TMPRSS11A: variants seen among roughly 807,000 people sequenced by gnomAD.
TMPRSS11A encodes the protein transmembrane protease serine 11A.
TMPRSS11A carries 53 observed loss-of-function variants against 58.9 expected under a neutral mutation model. The ratio of observed to expected loss-of-function variants is 0.90; its 90% CI spans 0.72 to 1.13. The LOEUF (loss-of-function observed/expected upper bound fraction) is 1.13. TMPRSS11A is among the 50% of genes most tolerant of loss of function. TMPRSS11A has a pLI of 0.00. For missense variants in TMPRSS11A, 493 were observed against 499.3 expected (o/e 0.99, Z 0.12); for synonymous variants, 167 against 169.8 (o/e 0.98, Z 0.13).
At chr4:67,956,651 A>G (rs1721297824) in intron 1 of TMPRSS11A, among the ~76,000 whole-genome samples, 1 of 152,228 alleles carries the variant, frequency 6.6e-6, no homozygotes, top group Non-Finnish European at 1.5e-5. Context: ...CAAATTTAGT[A>G]AGTGTATAAT....
intron 5 of TMPRSS11A, among the ~76,000 whole-genome samples, chr4:67,926,228 GT>G: frequency 6.6e-6 from 1 of 151,282 alleles, no homozygotes; most frequent in Non-Finnish European, 1.5e-5. Context: ...ACACCACACA[GT>G]TTTTTTTTGT....
chr4:67,961,592 C>T (rs536667397), intron 1 of TMPRSS11A, among the ~76,000 whole-genome samples: 2 of 138,094 alleles, frequency 1.4e-5, no homozygotes, highest in Admixed American at 7.5e-5. Context: ...CTCACTGCAA[C>T]CTCCGACTCC....
Position 67,922,856 on chromosome 4 carries a change from G to A in TMPRSS11A, c.591C>T (p.Ala197=), listed in dbSNP as rs771736721. ...ACTGAAGGGAAGCTTGCCAAGGCCA[G>A]GCCGCCTTGGGTGCAATGACTCCAG... is the stretch of plus-strand genomic sequence containing the variant. ...IASGVIAPKA[A]WPWQASLQYD... is the part of the protein sequence containing the mutation. Residue 197 remains alanine (A), a synonymous_variant, in exon 7 of 10, where the codon GCC becomes GCT. Transcript: ENST00000508048. 2.5e-6 allele frequency: 4 copies of A among 1,613,926 alleles called. No homozygotes were observed. In the South Asian group the frequency reaches 3.3e-5, roughly 13 times the overall value.
chr4:67,954,487 CCTCA>C (rs1721236849), intron 1 of TMPRSS11A, among the ~76,000 whole-genome samples: 2 of 152,308 alleles, frequency 1.3e-5, no homozygotes, highest in South Asian at 4.1e-4. Context: ...ATCCCCCTGC[CCTCA>C]CTCAGTTAAA....
chr4:67,914,802 C>A, intron 8 of TMPRSS11A, 72 bp from the exon 9 acceptor site: 2 of 1,285,830 alleles, frequency 1.6e-6, no homozygotes, highest in Admixed American at 2.4e-5. Flanking sequence ...AGCAGACTTT[C>A]CTAATATTTT....
chr4:67,925,387 T>C (rs1260908384), intron 5 of TMPRSS11A, among the ~76,000 whole-genome samples: 1 of 152,234 alleles, frequency 6.6e-6, no homozygotes, highest in African/African-American at 2.4e-5. Flanking sequence ...ATTGAGCAGA[T>C]GAGAATAAAC....
At chr4:67,957,904 C>T (rs995350653) in intron 1 of TMPRSS11A, among the ~76,000 whole-genome samples, 4 of 152,050 alleles carry the variant, frequency 2.6e-5, no homozygotes, top group African/African-American at 9.7e-5. Context: ...GCCTTGTGTC[C>T]CAGTTGCTCC....
At chr4:67,918,447 T>G (rs144014920) in intron 8 of TMPRSS11A, among the ~76,000 whole-genome samples, 1 of 152,222 alleles carries the variant, frequency 6.6e-6, no homozygotes, top group Non-Finnish European at 1.5e-5. Flanking sequence ...TTTTGCTACA[T>G]AGGCATAAAG....
Position 67,944,646 on chromosome 4 carries a change from G to A in TMPRSS11A, c.134-9C>T, listed in dbSNP as rs752272953. ...GTACTCCTTTTTTTGGTCTGCAATGGAAATGAAAAATAGGAAACTAAATGG... is the reference window on the plus strand; with the variant it reads ...GTACTCCTTTTTTTGGTCTGCAATGAAAATGAAAAATAGGAAACTAAATGG... On this transcript the variant is annotated splice_polypyrimidine_tract_variant and intron_variant, in intron 2 of 9. Transcript: ENST00000508048. 3.1e-6 allele frequency: 5 copies of A among 1,602,936 alleles called. No homozygotes were observed. Among genetic ancestry groups the A allele is most frequent in the Admixed American group, 3.5e-5 (2 of 57,728 alleles).
chr4:67,958,727 G>A (rs1721350689), intron 1 of TMPRSS11A, among the ~76,000 whole-genome samples: 1 of 152,172 alleles, frequency 6.6e-6, no homozygotes, highest in African/African-American at 2.4e-5. Flanking sequence ...GTGAGTACAT[G>A]AGATTTGGGT....
chr4:67,917,918 T>C lies in TMPRSS11A; in HGVS notation c.952+1055A>G, dbSNP rs192580414. Among the ~76,000 whole-genome samples, 5 of 152,266 alleles carry C rather than the reference T, an allele frequency of 3.3e-5. No individual in the cohort carries two copies. The East Asian group carries it at 5.8e-4, about 18-fold the overall frequency. On this transcript the variant is annotated intron_variant, in intron 8 of 9. Transcript: ENST00000508048. ...ACTAGAATTAATAAACCATAGGTAA[T>C]ATTTTCTGTGATTGGTAATACAACC... is the stretch of plus-strand genomic sequence containing the variant.
intron 9 of TMPRSS11A, among the ~76,000 whole-genome samples, chr4:67,912,213 A>G (rs796558018): frequency 8.5e-5 from 13 of 152,192 alleles, no homozygotes; most frequent in African/African-American, 2.9e-4. Context: ...AATAATGTTT[A>G]CTAATGTTCA....
At chr4:67,963,273 G>T in intron 1 of TMPRSS11A, 110 bp downstream of exon 1, 2 of 1,015,646 alleles carry the variant, frequency 2.0e-6, no homozygotes, top group Non-Finnish European at 1.5e-6. Flanking sequence ...ATCCAGTGCA[G>T]ATTGAATCCA....
chr4:67,938,893 C>CT (rs59980988), intron 3 of TMPRSS11A, among the ~76,000 whole-genome samples: 10,572 of 139,240 alleles, frequency 0.076, 987 homozygotes, highest in African/African-American at 0.22. Context: ...GCTATTGGGG[C>CT]TTTTTTTTTT....
intron 1 of TMPRSS11A, among the ~76,000 whole-genome samples, chr4:67,956,774 T>C (rs1160742251): frequency 6.6e-6 from 1 of 152,248 alleles, no homozygotes; most frequent in Non-Finnish European, 1.5e-5. Flanking sequence ...TACACATTTC[T>C]GTCATCCTCT....
chr4:67,929,819 G>C (rs1720564597), intron 5 of TMPRSS11A, 61 bp downstream of exon 5: 1 of 1,340,754 alleles, frequency 7.5e-7, no homozygotes. Flanking sequence ...ATAAATTTGA[G>C]ATTCGTCAAA....
intron 5 of TMPRSS11A, 36 bp downstream of exon 5, chr4:67,929,844 G>C: frequency 1.3e-6 from 2 of 1,527,076 alleles, no homozygotes; most frequent in African/African-American, 1.4e-5. Flanking sequence ...GGACCTAATA[G>C]ACAACTTCAT....
chr4:67,960,800 G>A (rs1721404314), intron 1 of TMPRSS11A, among the ~76,000 whole-genome samples: 1 of 152,098 alleles, frequency 6.6e-6, no homozygotes, highest in Non-Finnish European at 1.5e-5. Flanking sequence ...GACCTGCCCA[G>A]TACTATCTTT....
intron 5 of TMPRSS11A, among the ~76,000 whole-genome samples, chr4:67,928,951 T>C (rs1018966302): frequency 6.6e-6 from 1 of 152,220 alleles, no homozygotes; most frequent in African/African-American, 2.4e-5. Context: ...CGGACGAGGG[T>C]AAACAAGTTT....
Sources: allele counts gnomAD v4.1 joint callset (sites outside exome capture counted in the v4.1 genomes callset), GRCh38; gene constraint gnomAD v4.1.1; transcripts MANE v1.5; gene names NCBI Gene and HGNC (gene_info 2026-07-23, HGNC 2026-07-21).